Variants in PDCD1LG2 observed in about 807,000 individuals in gnomAD.
PDCD1LG2 encodes the protein B7 dendritic cell molecule.
In PDCD1LG2, 32 loss-of-function variants were observed where a neutral mutation model predicts 28.2. That is an observed-to-expected ratio of 1.13 (90% CI 0.86 to 1.52). The LOEUF is 1.52. Among genes scored for constraint, PDCD1LG2 ranks in the 40% most tolerant of loss-of-function variants. The probability of loss-of-function intolerance (pLI) is 0.00; values close to 1 mark genes in which losing one functional copy is unlikely to be tolerated. For missense variants in PDCD1LG2, 385 were observed against 323.8 expected, an observed-to-expected ratio of 1.19 and a Z score of -1.45; for synonymous variants, 116 against 120.2, an observed-to-expected ratio of 0.97 and a Z score of 0.23.
intron 2 of PDCD1LG2, among the ~76,000 whole-genome samples, chr9:5,528,118 C>T (rs1041958172): frequency 2.6e-5 from 4 of 151,742 alleles, no homozygotes; most frequent in Non-Finnish European, 1.5e-5. Context: ...GCATGAGCCA[C>T]CACGCCCTGC....
chr9:5,547,749 C>A (rs1816241173), intron 3 of PDCD1LG2, among the ~76,000 whole-genome samples: 1 of 151,780 alleles, frequency 6.6e-6, no homozygotes, highest in Non-Finnish European at 1.5e-5. Flanking sequence ...CCAGGCTGAC[C>A]AACATGGTGA....
chr9:5,539,565 G>C (rs574456123), intron 3 of PDCD1LG2, among the ~76,000 whole-genome samples: 42 of 152,332 alleles, frequency 2.8e-4, no homozygotes, highest in South Asian at 6.2e-4. Flanking sequence ...AGTGATAAAG[G>C]ACTGTGGTTT....
chr9:5,561,175 T>C (rs1419560987), intron 5 of PDCD1LG2, among the ~76,000 whole-genome samples: 2 of 152,192 alleles, frequency 1.3e-5, no homozygotes, highest in African/African-American at 4.8e-5. Context: ...TCTTTTTAAG[T>C]TAAATAAAAA....
chr9:5,515,878 A>G (rs1448625078), intron 1 of PDCD1LG2, among the ~76,000 whole-genome samples: 1 of 137,084 alleles, frequency 7.3e-6, no homozygotes, highest in African/African-American at 2.8e-5. Context: ...AGCCAAGATC[A>G]CACCACTGCA....
intron 4 of PDCD1LG2, among the ~76,000 whole-genome samples, chr9:5,550,553 GC>G (rs1816308885): frequency 6.6e-6 from 1 of 152,162 alleles, no homozygotes; most frequent in Admixed American, 6.5e-5. Context: ...GATTGCAGAG[GC>G]CCTAAGGGAA....
intron 3 of PDCD1LG2, among the ~76,000 whole-genome samples, chr9:5,537,239 G>A (rs182204157): frequency 6.6e-6 from 1 of 152,198 alleles, no homozygotes; most frequent in East Asian, 1.9e-4. Context: ...AGATTCCTTA[G>A]CCTTTATAAG....
chr9:5,533,853 G>T (rs947127077), intron 2 of PDCD1LG2, among the ~76,000 whole-genome samples: 3 of 151,304 alleles, frequency 2.0e-5, no homozygotes, highest in Non-Finnish European at 2.9e-5. Flanking sequence ...GACAAAACAG[G>T]TTTCACGGTC....
intron 2 of PDCD1LG2, among the ~76,000 whole-genome samples, chr9:5,526,285 A>G (rs1016299443): frequency 6.6e-6 from 1 of 152,232 alleles, no homozygotes; most frequent in African/African-American, 2.4e-5. Flanking sequence ...TAACATTACT[A>G]TAAGGTGATT....
intron 5 of PDCD1LG2, among the ~76,000 whole-genome samples, chr9:5,561,381 T>C (rs1242698189): frequency 6.6e-6 from 1 of 152,162 alleles, no homozygotes. Flanking sequence ...AGGAGAAGTG[T>C]CTTTATGCTG....
intron 6 of PDCD1LG2, among the ~76,000 whole-genome samples, chr9:5,568,259 C>T (rs952767294): frequency 5.3e-5 from 8 of 152,186 alleles, no homozygotes; most frequent in South Asian, 2.1e-4. Context: ...GGCCGCAGAC[C>T]GGTACCAGTG....
At chr9:5,530,965 G>A (rs901752721) in intron 2 of PDCD1LG2, among the ~76,000 whole-genome samples, 1 of 152,210 alleles carries the variant, frequency 6.6e-6, no homozygotes, top group Non-Finnish European at 1.5e-5. Context: ...ACACTTTGAA[G>A]GCAAGGTGGT....
intron 1 of PDCD1LG2, among the ~76,000 whole-genome samples, chr9:5,520,042 C>G (rs1175380077): frequency 1.3e-5 from 2 of 152,142 alleles, no homozygotes; most frequent in African/African-American, 4.8e-5. Flanking sequence ...CAATCCCTAC[C>G]AAAATTCCAG....
In PDCD1LG2 at chr9:5,570,166, T is replaced by C; in HGVS notation, c.*207T>C. ...CCCTTCACTGATCTGGACTCACCTC[T>C]GGAGCCTATGGCTTTAAGCAAGCAC... On this transcript the variant is annotated 3_prime_UTR_variant, in exon 7 of 7. Coordinates refer to ENST00000397747, the MANE Select transcript of PDCD1LG2 (RefSeq NM_025239.4). 1.6e-6 allele frequency: 1 copy of C among 620,822 alleles called. No individual in the cohort carries two copies. The highest frequency in any genetic ancestry group is 2.9e-6 in the Non-Finnish European group (1 of 345,616). The allele number at this position is 620,822 out of a possible 1,614,324, so 38.5% of individuals were successfully genotyped here. A position where few individuals can be genotyped will look rare whatever the true frequency, so the allele number is the denominator to read the frequency against.
At chr9:5,526,622 G>C (rs564488982) in intron 2 of PDCD1LG2, among the ~76,000 whole-genome samples, 1 of 152,186 alleles carries the variant, frequency 6.6e-6, no homozygotes, top group East Asian at 1.9e-4. Flanking sequence ...AACATTTTTA[G>C]TGATGGGGTC....
intron 2 of PDCD1LG2, among the ~76,000 whole-genome samples, chr9:5,527,889 C>T (rs1002965784): frequency 5.3e-5 from 8 of 152,138 alleles, no homozygotes; most frequent in South Asian, 2.1e-4. Context: ...AGTGCAATGC[C>T]GTGATCTTGG....
At chr9:5,566,826 T>TA (rs1012613622) in intron 6 of PDCD1LG2, among the ~76,000 whole-genome samples, 4 of 152,060 alleles carry the variant, frequency 2.6e-5, no homozygotes, top group African/African-American at 7.2e-5. Context: ...TTCTATATAA[T>TA]AAAAAAATAG....
At chr9:5,546,805 A>G (rs558391200) in intron 3 of PDCD1LG2, among the ~76,000 whole-genome samples, 1 of 152,338 alleles carries the variant, frequency 6.6e-6, no homozygotes, top group East Asian at 1.9e-4. Flanking sequence ...ATGTATATTT[A>G]TACATTAGGG....
chr9:5,559,104 G>A (rs754739075), intron 5 of PDCD1LG2, among the ~76,000 whole-genome samples: 6 of 152,154 alleles, frequency 3.9e-5, no homozygotes, highest in Non-Finnish European at 7.3e-5. Flanking sequence ...CGTTCCAGCT[G>A]TCTTTGGGAG....
At chr9:5,546,547 G>A (rs1487997067) in intron 3 of PDCD1LG2, among the ~76,000 whole-genome samples, 4 of 152,176 alleles carry the variant, frequency 2.6e-5, no homozygotes, top group Admixed American at 6.5e-5. Context: ...AACAGGTCAA[G>A]TCCTTCAGTA....
Sources: gnomAD v4.1 joint callset for allele counts (sites outside exome capture counted in the v4.1 genomes callset) on GRCh38, gnomAD v4.1.1 for gene constraint, MANE v1.5 for transcripts, NCBI Gene and HGNC (gene_info 2026-07-23, HGNC 2026-07-21) for gene names.